Variants in WWP2 observed in about 807,000 individuals in gnomAD.
WWP2 encodes the protein WW domain containing E3 ubiquitin protein ligase 2.
A neutral mutation model predicts 121.0 loss-of-function variants in WWP2; 57 were observed. The observed-to-expected ratio is 0.47, with a 90% CI of 0.38 to 0.59. The LOEUF is 0.59. WWP2 is among the 20% of genes least tolerant of loss of function. The probability of loss-of-function intolerance (pLI) is 0.00; values close to 1 mark genes in which losing one functional copy is unlikely to be tolerated. For missense variants in WWP2, 962 were observed against 1,158.9 expected, an observed-to-expected ratio of 0.83 and a Z score of 2.47; for synonymous variants, 449 against 441.3, an observed-to-expected ratio of 1.02 and a Z score of -0.22.
Position 69,931,882 on chromosome 16 carries a change from C to T in WWP2, c.1674C>T (p.Gly558=), listed in dbSNP as rs751174424. The change falls in exon 16 of 24, where the codon GGC becomes GGT. Residue 558 remains glycine, a synonymous_variant. Transcript: ENST00000359154. ...MRGEEGLDYG[G]IAREWFFLLS... ...GCGAGGAGGGCCTGGACTATGGGGGCATCGCCAGGTGAGCTTGAGTGCCCC... is the reference window on the plus strand; with the variant it reads ...GCGAGGAGGGCCTGGACTATGGGGGTATCGCCAGGTGAGCTTGAGTGCCCC... 2.0e-5 allele frequency: 33 copies of T among 1,613,014 alleles called. No homozygotes were observed. In the East Asian group the frequency reaches 4.9e-4, roughly 24 times the overall value.
intron 8 of WWP2, among the ~76,000 whole-genome samples, chr16:69,906,718 C>T (rs1212443013): frequency 6.6e-6 from 1 of 151,898 alleles, no homozygotes; most frequent in Non-Finnish European, 1.5e-5. Flanking sequence ...CCTGTCTCTA[C>T]GAAATAAAAA....
intron 8 of WWP2, among the ~76,000 whole-genome samples, chr16:69,892,377 G>A (rs7192213): frequency 0.64 from 94,754 of 149,048 alleles, 30,903 homozygotes; most frequent in East Asian, 0.94. Flanking sequence ...CCGGTGTGTG[G>A]TGTTCCCCTC....
intron 9 of WWP2, chr16:69,909,392 A>T: frequency 1.0e-6 from 1 of 985,958 alleles, no homozygotes; most frequent in Non-Finnish European, 1.2e-6. Context: ...TAAAATATGC[A>T]CACTTCCCCT....
chr16:69,929,586 G>T, intron 12 of WWP2, 57 bp downstream of exon 12: 1 of 1,507,538 alleles, frequency 6.6e-7, no homozygotes, highest in Middle Eastern at 1.8e-4. Flanking sequence ...TGCAGCTCCA[G>T]CACTGGGCAG....
At chr16:69,888,931 C>T (rs1345742652) in intron 8 of WWP2, among the ~76,000 whole-genome samples, 2 of 152,134 alleles carry the variant, frequency 1.3e-5, no homozygotes, top group Non-Finnish European at 2.9e-5. Flanking sequence ...GTCTCGAACT[C>T]CTGACCTCAC....
chr16:69,915,688 A>G (rs1476249349), intron 9 of WWP2, among the ~76,000 whole-genome samples: 1 of 152,206 alleles, frequency 6.6e-6, no homozygotes, highest in African/African-American at 2.4e-5. Context: ...GCAAGAGACC[A>G]TCGTTTTTCA....
At chr16:69,861,453 G>A (rs193295399) in intron 6 of WWP2, among the ~76,000 whole-genome samples, 42 of 152,200 alleles carry the variant, frequency 2.8e-4, no homozygotes, top group Admixed American at 2.2e-3. Context: ...TTTGTCTTCC[G>A]GAAGTCTTTC....
At chr16:69,897,423 A>G (rs955334729) in intron 8 of WWP2, among the ~76,000 whole-genome samples, 5 of 151,852 alleles carry the variant, frequency 3.3e-5, no homozygotes, top group Admixed American at 6.6e-5. Context: ...TCTTTTTTTA[A>G]CCACCTCTTT....
chr16:69,782,058 G>T (rs1451760574), intron 1 of WWP2, among the ~76,000 whole-genome samples: 1 of 152,120 alleles, frequency 6.6e-6, no homozygotes, highest in Non-Finnish European at 1.5e-5. Context: ...TGAGACGGGC[G>T]GATCACCTGA....
chr16:69,791,620 G>A (rs2055912770), intron 2 of WWP2, among the ~76,000 whole-genome samples: 1 of 152,198 alleles, frequency 6.6e-6, no homozygotes, highest in Non-Finnish European at 1.5e-5. Context: ...ATAGGCTCAA[G>A]CAATCCTCCT....
chr16:69,850,740 G>A (rs2057193116), intron 6 of WWP2, among the ~76,000 whole-genome samples: 1 of 152,144 alleles, frequency 6.6e-6, no homozygotes, highest in Non-Finnish European at 1.5e-5. Flanking sequence ...AAGATATTAG[G>A]GATGATAGCG....
rs143999663 is a variant in WWP2 at position 69,925,452 on chromosome 16, A to G, written c.1202A>G (p.His401Arg). The stretch of plus-strand genomic sequence containing the variant: ...TAGTCTTCGAGTGCTTCGACTGACC[A>G]TGATCCCCTGGGCCCCCTCCCTCCT... ...LYQSSSASTDHDPLGPLPPGW... is the reference protein window; with the variant it reads ...LYQSSSASTDRDPLGPLPPGW... The change falls in exon 11 of 24, where the codon CAT (histidine) becomes CGT (arginine). Residue 401 changes from histidine to arginine, a missense_variant. By Grantham distance (29) the His-to-Arg change is conservative. Coordinates refer to ENST00000359154, the MANE Select transcript of WWP2 (RefSeq NM_001270454.2). The surrounding 1 kb of genome is among the most constrained non-coding windows in gnomAD (Gnocchi z 4.0). 1.2e-3 allele frequency: 1,966 copies of G among 1,614,004 alleles called. 4 individuals are homozygous for G. The highest frequency in any genetic ancestry group is 1.4e-3 in the Non-Finnish European group (1,627 of 1,179,930).
chr16:69,786,688 T>A (rs529848055), intron 1 of WWP2, among the ~76,000 whole-genome samples: 6 of 151,596 alleles, frequency 4.0e-5, no homozygotes, highest in Admixed American at 3.3e-4. Flanking sequence ...TGACCTCAGG[T>A]GATCTGGCCA....
rs978894741 is a variant in WWP2 at position 69,930,040 on chromosome 16, G to C, written c.1317-90G>C. 7 of 1,583,968 alleles carry C rather than the reference G, an allele frequency of 4.4e-6. No individual in the cohort carries two copies. In the African/African-American group the frequency reaches 9.5e-5, roughly 22 times the overall value. On this transcript the variant is annotated intron_variant, in intron 12 of 23. Coordinates refer to ENST00000359154, the MANE Select transcript of WWP2 (RefSeq NM_001270454.2). ...CAAAGTCCCTCATGGGCTCTGCAGAGACAAAGCCACACTTTGAGGACCCAG... is the reference window on the plus strand; with the variant it reads ...CAAAGTCCCTCATGGGCTCTGCAGACACAAAGCCACACTTTGAGGACCCAG...
At chr16:69,915,398 G>A (rs2058464470) in intron 9 of WWP2, among the ~76,000 whole-genome samples, 1 of 152,238 alleles carries the variant, frequency 6.6e-6, no homozygotes, top group Non-Finnish European at 1.5e-5. Flanking sequence ...GTCCATAAGC[G>A]ATAGCAAATA....
chr16:69,796,931 C>G (rs976886600), intron 2 of WWP2, among the ~76,000 whole-genome samples: 9 of 152,220 alleles, frequency 5.9e-5, no homozygotes, highest in Non-Finnish European at 1.5e-5. Flanking sequence ...GTTGTAGACA[C>G]CATTGTAGGA....
intron 16 of WWP2, among the ~76,000 whole-genome samples, chr16:69,932,848 A>G (rs2058737120): frequency 6.6e-6 from 1 of 152,192 alleles, no homozygotes; most frequent in South Asian, 2.1e-4. Context: ...AGCAGGGCAG[A>G]AGGGCCCCGG....
At chr16:69,813,893 G>A (rs2056442426) in intron 4 of WWP2, among the ~76,000 whole-genome samples, 2 of 152,202 alleles carry the variant, frequency 1.3e-5, no homozygotes, top group Non-Finnish European at 2.9e-5. Flanking sequence ...ATCCAATATA[G>A]GTAAAATTTA....
intron 1 of WWP2, among the ~76,000 whole-genome samples, chr16:69,784,091 CTTTTTTTTTTTTT>C (rs61650147): frequency 4.9e-5 from 3 of 60,874 alleles, no homozygotes; most frequent in South Asian, 7.2e-4. Context: ...TTCTTTCTTT[CTTTTTTTTTTTTT>C]TTTTTTTTTT....
Sources: gnomAD v4.1 joint callset for allele counts (sites outside exome capture counted in the v4.1 genomes callset) on GRCh38, gnomAD v4.1.1 for gene constraint, Gnocchi (gnomAD v3.1) non-coding constraint, MANE v1.5 for transcripts, NCBI Gene and HGNC (gene_info 2026-07-23, HGNC 2026-07-21) for gene names.